Variants in GPATCH2L observed in about 807,000 individuals in gnomAD.
GPATCH2L encodes G-patch domain containing 2 like.
Under a neutral mutation model 57.4 loss-of-function variants are expected in GPATCH2L, and 31 were observed. The observed-to-expected ratio is 0.54, with a 90% CI of 0.41 to 0.73. The LOEUF is 0.73. GPATCH2L is among the 30% of genes least tolerant of loss of function. The probability of loss-of-function intolerance (pLI) is 0.00; values close to 1 mark genes in which losing one functional copy is unlikely to be tolerated. For synonymous variants in GPATCH2L, 199 were observed against 210.7 expected (o/e 0.94, Z 0.48); for missense variants, 481 against 599.9 (o/e 0.80, Z 2.07).
intron 8 of GPATCH2L, among the ~76,000 whole-genome samples, chr14:76,191,413 G>A (rs1900126): frequency 0.56 from 85,542 of 151,798 alleles, 26,377 homozygotes; most frequent in South Asian, 0.77. Context: ...GGAAGCCGAA[G>A]CTGTAGCAGT....
At chr14:76,176,574 T>A (rs775135134) in intron 5 of GPATCH2L, 49 bp from the exon 6 acceptor site, 1 of 1,244,714 alleles carries the variant, frequency 8.0e-7, no homozygotes, top group Admixed American at 1.7e-5. Flanking sequence ...GTACTTTATA[T>A]GTTTGTTTCT....
At chr14:76,156,860 T>A (rs554001358) in intron 2 of GPATCH2L, among the ~76,000 whole-genome samples, 55 of 152,344 alleles carry the variant, frequency 3.6e-4, no homozygotes, top group African/African-American at 1.2e-3. Context: ...ATGAGATGCT[T>A]CACTCTTTTC....
chr14:76,177,924 G>A (rs201670806), intron 6 of GPATCH2L, 64 bp from the exon 7 acceptor site: 108 of 1,600,570 alleles, frequency 6.7e-5, no homozygotes, highest in East Asian at 2.9e-4. Flanking sequence ...AAAAGAGAAC[G>A]AAATCAGGTA....
chr14:76,177,020 C>T (rs1298737419), intron 6 of GPATCH2L, among the ~76,000 whole-genome samples: 2 of 151,554 alleles, frequency 1.3e-5, no homozygotes, highest in Non-Finnish European at 1.5e-5. Flanking sequence ...CCTATATTCT[C>T]TTCCCATTTT....
At chr14:76,215,098 G>T (rs1013403348), downstream of GPATCH2L, among the ~76,000 whole-genome samples, 71 of 151,714 alleles carry the variant, frequency 4.7e-4, no homozygotes, top group South Asian at 1.5e-3. Flanking sequence ...ATAATAATAA[G>T]AAATGAAAAA....
chr14:76,168,453 A>G (rs8006717), intron 3 of GPATCH2L, among the ~76,000 whole-genome samples: 31,330 of 152,092 alleles, frequency 0.21, 3,573 homozygotes, highest in African/African-American at 0.3. Context: ...ATTTCTTGCT[A>G]TGGGGCTGTG....
Position 76,176,556 on chromosome 14 carries a change from T to C in GPATCH2L, c.985-67T>C, listed in dbSNP as rs564743968. 6.3e-6 allele frequency: 7 copies of C among 1,104,486 alleles called. No individual in the cohort carries two copies. In the African/African-American group the frequency reaches 9.2e-5, roughly 15 times the overall value. The allele number at this position is 1,104,486 out of a possible 1,614,324, so 68.4% of individuals were successfully genotyped here. On this transcript the variant is annotated intron_variant, in intron 5 of 9. Transcript: ENST00000261530. Reference sequence around the variant, plus strand: ...TTAGCTGGCACAGTTATGGGAAAGATTGATATTGTACTTTATATGTTTGTT... The same window carrying C: ...TTAGCTGGCACAGTTATGGGAAAGACTGATATTGTACTTTATATGTTTGTT...
At chr14:76,155,925 T>C (rs566963752) in intron 2 of GPATCH2L, among the ~76,000 whole-genome samples, 191 of 152,328 alleles carry the variant, frequency 1.3e-3, no homozygotes, top group Non-Finnish European at 2.2e-3. Flanking sequence ...CCTAGGTGGA[T>C]TGAGTACTCC....
Position 76,213,160 on chromosome 14 carries a change from T to C in GPATCH2L, c.*11309T>C, listed in dbSNP as rs2139850955. ...AAACAAAGCTAATTTTTAAAATATG[T>C]AGTAAAATATGTAACATTTTAGCTA... On this transcript the variant is annotated 3_prime_UTR_variant, in exon 10 of 10. Coordinates refer to ENST00000261530, the MANE Select transcript of GPATCH2L (RefSeq NM_017926.4). 1 of 152,286 alleles carries C rather than the reference T, an allele frequency of 6.6e-6. No homozygotes were observed. 9.4% of individuals were successfully genotyped at this position (152,286 alleles called of 1,614,324 possible).
intron 2 of GPATCH2L, among the ~76,000 whole-genome samples, chr14:76,163,565 T>C (rs905894902): frequency 6.6e-6 from 1 of 152,200 alleles, no homozygotes; most frequent in African/African-American, 2.4e-5. Flanking sequence ...GCTGTTCTAA[T>C]GAGAAGGTTG....
chr14:76,228,045 C>T (rs1157803508), intron 1 of GPATCH2L, among the ~76,000 whole-genome samples: 1 of 152,166 alleles, frequency 6.6e-6, no homozygotes, highest in African/African-American at 2.4e-5. Context: ...AGCAACACTG[C>T]GAAATAAACT....
chr14:76,173,662 G>C, intron 5 of GPATCH2L, 37 bp downstream of exon 5: 2 of 1,237,274 alleles, frequency 1.6e-6, no homozygotes, highest in Non-Finnish European at 2.4e-6. Context: ...TCAGTGGGGA[G>C]ATAATATTCC....
In GPATCH2L at chr14:76,166,113, A is replaced by G. The variant is rs148621015; in HGVS notation, c.663-550A>G. On this transcript the variant is annotated intron_variant, in intron 2 of 9. Transcript: ENST00000261530. ...GTTTGTTTTTATATTTTTGTTTTTA[A>G]CTTTAGTTCCTTTTTTCAGAATGAG... Among the ~76,000 whole-genome samples the G allele has an allele frequency of 4.8e-3, 728 of 152,332 alleles. 9 individuals are homozygous for G. The highest frequency in any genetic ancestry group is 0.016 in the African/African-American group (680 of 41,582).
chr14:76,154,251 G>A lies in GPATCH2L; in HGVS notation c.-10-103G>A. 1 of 956,936 alleles carries A rather than the reference G, an allele frequency of 1.0e-6. No homozygotes were observed. The highest frequency in any genetic ancestry group is 2.5e-5 in the East Asian group (1 of 39,720). 59.3% of individuals were successfully genotyped at this position (956,936 alleles called of 1,614,324 possible). A position where few individuals can be genotyped will look rare whatever the true frequency, so the allele number is the denominator to read the frequency against. On this transcript the variant is annotated intron_variant, in intron 1 of 9. Coordinates refer to ENST00000261530, the MANE Select transcript of GPATCH2L (RefSeq NM_017926.4). This position sits in a 1 kb window ranked among gnomAD's most constrained non-coding sequence, Gnocchi z 4.4. ...GACAGGCAGAACTGTGGACTACCAT[G>A]ATCTGTTTCATCAAATTATTCCAAA...
chr14:76,175,761 G>A (rs1273756425), intron 5 of GPATCH2L: 1 of 152,122 alleles, frequency 6.6e-6, no homozygotes, highest in African/African-American at 2.4e-5. Context: ...TGTTTAGCAC[G>A]GTCCACACAC....
chr14:76,224,380 A>C (rs1236136600), intron 1 of GPATCH2L, among the ~76,000 whole-genome samples: 4 of 152,196 alleles, frequency 2.6e-5, no homozygotes, highest in Non-Finnish European at 5.9e-5. Flanking sequence ...ATGACTTTCA[A>C]GATATACGAA....
At chr14:76,182,400 G>A (rs1210977624) in intron 8 of GPATCH2L, among the ~76,000 whole-genome samples, 1 of 137,870 alleles carries the variant, frequency 7.3e-6, no homozygotes, top group African/African-American at 2.6e-5. Flanking sequence ...TTGAACCAGA[G>A]TGAGACCTTG....
At chr14:76,215,692 C>T (rs1184947637), downstream of GPATCH2L, among the ~76,000 whole-genome samples, 9 of 145,040 alleles carry the variant, frequency 6.2e-5, no homozygotes, top group South Asian at 2.2e-4. Context: ...CACATATTCT[C>T]ACTCATAGGT....
At chr14:76,226,285 C>T (rs1465291759) in intron 1 of GPATCH2L, among the ~76,000 whole-genome samples, 1 of 152,202 alleles carries the variant, frequency 6.6e-6, no homozygotes, top group African/African-American at 2.4e-5. Flanking sequence ...TGAGGATTAA[C>T]AAACTGTATG....
Sources: allele counts gnomAD v4.1 joint callset (sites outside exome capture counted in the v4.1 genomes callset), GRCh38; gene constraint gnomAD v4.1.1; non-coding constraint Gnocchi (gnomAD v3.1); transcripts MANE v1.5; gene names NCBI Gene and HGNC (gene_info 2026-07-23, HGNC 2026-07-21).